Variants in ANKRD36C observed in about 807,000 individuals in gnomAD.
The protein encoded by ANKRD36C is ankyrin repeat domain-containing protein 36C.
In ANKRD36C, 61 loss-of-function variants were observed where a neutral mutation model predicts 276.4. The ratio of observed to expected loss-of-function variants is 0.22; its 90% CI spans 0.18 to 0.27. ANKRD36C has a LOEUF of 0.27. ANKRD36C is among the 10% of genes least tolerant of loss of function. The pLI, the probability that ANKRD36C is intolerant of heterozygous loss-of-function variation, is 1.00. For missense variants in ANKRD36C, 1,447 were observed against 2,032.3 expected (o/e 0.71, Z 5.54); for synonymous variants, 483 against 680.1 (o/e 0.71, Z 4.51).
chr2:95,892,135 T>A (rs1472546315), intron 44 of ANKRD36C, among the ~76,000 whole-genome samples: 61 of 151,566 alleles, frequency 4.0e-4, no homozygotes. Flanking sequence ...AACGTGGATA[T>A]GTCGAGTGAT....
chr2:95,855,925 G>A (rs570722981), exon 63 of ANKRD36C: 2 of 1,613,660 alleles, frequency 1.2e-6, no homozygotes, highest in Admixed American at 1.7e-5. Context: ...TTAGAACGGA[G>A]CGTTGTGTTT....
chr2:95,923,657 T>A lies in ANKRD36C; in HGVS notation c.2070+4A>T. ...ATACAAAATATAAATGAGAGTTTAATTACCTTTGAGGGTGGTTGTTTCTGA... is the reference window on the plus strand; with the variant it reads ...ATACAAAATATAAATGAGAGTTTAAATACCTTTGAGGGTGGTTGTTTCTGA... On this transcript the variant is annotated splice_donor_region_variant and intron_variant, in intron 31 of 66. Transcript: ENST00000456556. The A allele has an allele frequency of 6.2e-7, 1 of 1,610,596 alleles. No homozygotes were observed.
rs1678849538 is a variant in ANKRD36C at position 95,978,061 on chromosome 2, T to G, written c.799+61A>C. ...AAACTGCTTTTTTGTAATCAAAACA[T>G]CTTTATTCTTTTTTATCTATGGTAG... On this transcript the variant is annotated intron_variant, in intron 6 of 66. Coordinates refer to ENST00000456556, the Ensembl canonical transcript of ANKRD36C. 8 of 570,764 alleles carry G rather than the reference T, an allele frequency of 1.4e-5. 1 individual carries two copies. The South Asian group carries it at 1.7e-4, about 12-fold the overall frequency. 35.4% of individuals were successfully genotyped at this position (570,764 alleles called of 1,614,324 possible). A position where few individuals can be genotyped will look rare whatever the true frequency, so the allele number is the denominator to read the frequency against.
chr2:95,971,319 T>C (rs1460375175), intron 6 of ANKRD36C, among the ~76,000 whole-genome samples: 1 of 136,880 alleles, frequency 7.3e-6, no homozygotes, highest in Non-Finnish European at 1.6e-5. Flanking sequence ...ACTATGGACT[T>C]TGGGTGATTA....
intron 6 of ANKRD36C, among the ~76,000 whole-genome samples, chr2:95,974,879 C>G (rs1362357315): frequency 6.8e-6 from 1 of 147,378 alleles, no homozygotes; most frequent in Non-Finnish European, 1.5e-5. Flanking sequence ...GTTCAATTCC[C>G]ACCTATGAGT....
chr2:95,875,528 T>G (rs1188862864), intron 59 of ANKRD36C, among the ~76,000 whole-genome samples: 1 of 86,844 alleles, frequency 1.2e-5, no homozygotes, highest in African/African-American at 4.6e-5. Flanking sequence ...TGGGGACTGT[T>G]GTGGGGTGGG....
chr2:95,876,702 A>G (rs1186878658), intron 58 of ANKRD36C, among the ~76,000 whole-genome samples, 190 bp from the exon 79 acceptor site: 1 of 148,764 alleles, frequency 6.7e-6, no homozygotes, highest in Non-Finnish European at 1.5e-5. Context: ...AATACAAAAA[A>G]TTAGCTGGGC....
At chr2:95,971,129 A>G (rs1329760930) in intron 6 of ANKRD36C, among the ~76,000 whole-genome samples, 1 of 152,188 alleles carries the variant, frequency 6.6e-6, no homozygotes, top group Non-Finnish European at 1.5e-5. Context: ...ATATATGACT[A>G]TGCTGGACAT....
intron 6 of ANKRD36C, among the ~76,000 whole-genome samples, chr2:95,963,638 GGAGC>G (rs1392776740): frequency 8.1e-6 from 1 of 124,012 alleles, no homozygotes; most frequent in East Asian, 2.2e-4. Context: ...AGTAGTTTCT[GGAGC>G]AGCCAAAATC....
Position 95,923,585 on chromosome 2 carries a change from C to T in ANKRD36C, c.2071-18G>A. The T allele has an allele frequency of 7.5e-6, 12 of 1,608,828 alleles. No individual in the cohort carries two copies. The highest frequency in any genetic ancestry group is 9.3e-6 in the Non-Finnish European group (11 of 1,176,942). ...CTTGTAGCCTGAAAGTAATTTGAAG[C>T]AAATTATCAATAAAGAAAGTATGTT... On this transcript the variant is annotated intron_variant, in intron 31 of 66. Coordinates refer to ENST00000456556, the Ensembl canonical transcript of ANKRD36C.
At chr2:95,920,265 G>A (rs1483707064) in intron 34 of ANKRD36C, among the ~76,000 whole-genome samples, 1 of 132,770 alleles carries the variant, frequency 7.5e-6, no homozygotes, top group Non-Finnish European at 1.7e-5. Flanking sequence ...CAATGTCAAA[G>A]CAGGTGCTAC....
intron 64 of ANKRD36C, 186 bp downstream of exon 84, chr2:95,853,518 TAATAA>T (rs1675338386): frequency 2.2e-6 from 1 of 459,708 alleles, no homozygotes; most frequent in Non-Finnish European, 3.7e-6. Context: ...AGGTGCATTA[TAATAA>T]AATCTTAATA....
chr2:95,887,787 C>T, intron 50 of ANKRD36C, 138 bp downstream of exon 70: 2 of 1,118,428 alleles, frequency 1.8e-6, no homozygotes, highest in South Asian at 3.0e-5. Context: ...CACCCAAGAA[C>T]TTATTAAAAA....
At chr2:95,857,558 C>G in intron 61 of ANKRD36C, 66 bp from the exon 82 acceptor site, 1 of 1,478,530 alleles carries the variant, frequency 6.8e-7, no homozygotes, top group Non-Finnish European at 9.0e-7. Flanking sequence ...TTTTATCTTA[C>G]CCAAATTCCT....
chr2:95,850,155 T>C (rs1369846282), downstream of ANKRD36C, among the ~76,000 whole-genome samples: 6 of 152,422 alleles, frequency 3.9e-5, no homozygotes, highest in African/African-American at 7.2e-5. Context: ...AGTTGCACAC[T>C]GAATTCATTA....
At chr2:95,928,648 T>C (rs1349037100) in intron 26 of ANKRD36C, among the ~76,000 whole-genome samples, 6 of 151,548 alleles carry the variant, frequency 4.0e-5, no homozygotes, top group Non-Finnish European at 8.9e-5. Flanking sequence ...TCAGTGGTCT[T>C]CTTAGCTCTC....
At chr2:95,907,884 CAT>C (rs373264355) in intron 42 of ANKRD36C, among the ~76,000 whole-genome samples, 2,756 of 148,910 alleles carry the variant, frequency 0.019, 88 homozygotes, top group African/African-American at 0.065. Flanking sequence ...CCAATTATAC[CAT>C]TGTTTCCTGC....
At chr2:95,894,877 T>C (rs1573747781) in intron 44 of ANKRD36C, among the ~76,000 whole-genome samples, 2 of 151,220 alleles carry the variant, frequency 1.3e-5, no homozygotes, top group East Asian at 3.9e-4. Flanking sequence ...TCACTCAGGT[T>C]TCCTCAGCAG....
At chr2:95,932,600 G>T (rs878942886) in intron 24 of ANKRD36C, among the ~76,000 whole-genome samples, 12 of 151,444 alleles carry the variant, frequency 7.9e-5, no homozygotes, top group Admixed American at 2.0e-4. Context: ...TTGGTTACAT[G>T]TCAGCAGTAA....
Sources: allele counts gnomAD v4.1 joint callset (sites outside exome capture counted in the v4.1 genomes callset), GRCh38; gene constraint gnomAD v4.1.1; transcripts MANE v1.5; gene names NCBI Gene and HGNC (gene_info 2026-07-23, HGNC 2026-07-21).